Variants in KCNN2 observed in about 807,000 individuals in gnomAD.
KCNN2 encodes the protein potassium calcium-activated channel subfamily N member 2, also known as small conductance calcium-activated potassium channel protein 2.
KCNN2 carries 24 observed loss-of-function variants against 55.5 expected under a neutral mutation model. The ratio of observed to expected loss-of-function variants is 0.43; its 90% CI spans 0.31 to 0.61. The LOEUF is 0.61. Ranked by LOEUF, KCNN2 falls within the 20% of genes least tolerant of loss-of-function variation. The probability of loss-of-function intolerance (pLI) is 0.08; values close to 1 mark genes in which losing one functional copy is unlikely to be tolerated. For synonymous variants in KCNN2, 431 were observed against 336.1 expected (o/e 1.28, Z -3.09); for missense variants, 754 against 853.6 (o/e 0.88, Z 1.45).
intron 3 of KCNN2, among the ~76,000 whole-genome samples, chr5:114,417,689 G>T (rs1216929417): frequency 2.0e-5 from 3 of 152,200 alleles, no homozygotes; most frequent in African/African-American, 7.2e-5. Context: ...GGGGACTGTT[G>T]TAGTCAGTAA....
chr5:114,484,343 A>G (rs1173051455), intron 5 of KCNN2, among the ~76,000 whole-genome samples: 2 of 152,156 alleles, frequency 1.3e-5, no homozygotes, highest in South Asian at 2.1e-4. Flanking sequence ...GAGGTTAGGG[A>G]TAGGAAATTA....
At chr5:114,126,190 A>T (rs1360436378) in intron 1 of KCNN2, among the ~76,000 whole-genome samples, 1 of 152,136 alleles carries the variant, frequency 6.6e-6, no homozygotes, top group East Asian at 1.9e-4. Context: ...TCCCATCCTA[A>T]TGAACTCATT....
At chr5:114,387,212 C>A (rs1007399595) in intron 2 of KCNN2, among the ~76,000 whole-genome samples, 9 of 152,168 alleles carry the variant, frequency 5.9e-5, no homozygotes, top group Non-Finnish European at 1.0e-4. Flanking sequence ...ACAGGTCTTA[C>A]CATGTGGGTA....
intron 3 of KCNN2, among the ~76,000 whole-genome samples, chr5:114,435,416 T>C (rs983893614): frequency 6.6e-6 from 1 of 152,140 alleles, no homozygotes; most frequent in Non-Finnish European, 1.5e-5. Flanking sequence ...ATTTTCTTGT[T>C]GTGAGGATAG....
At chr5:114,270,342 C>A (rs983756801) in intron 2 of KCNN2, among the ~76,000 whole-genome samples, 1 of 152,104 alleles carries the variant, frequency 6.6e-6, no homozygotes, top group African/African-American at 2.4e-5. Context: ...GACAAGAATG[C>A]GCTAACATAC....
intron 1 of KCNN2, among the ~76,000 whole-genome samples, chr5:114,076,955 A>G (rs890128003): frequency 1.3e-5 from 2 of 152,228 alleles, no homozygotes; most frequent in African/African-American, 2.4e-5. Flanking sequence ...TCGGCCTCCC[A>G]AAGTGATGGG....
intron 2 of KCNN2, among the ~76,000 whole-genome samples, chr5:114,368,782 C>A (rs1055989239): frequency 1.3e-5 from 2 of 151,954 alleles, no homozygotes; most frequent in African/African-American, 4.8e-5. Context: ...AATTTCAATA[C>A]GGAATATTTA....
intron 1 of KCNN2, among the ~76,000 whole-genome samples, chr5:114,219,160 C>G (rs1354191399): frequency 1.3e-5 from 2 of 152,232 alleles, no homozygotes; most frequent in African/African-American, 4.8e-5. Context: ...GTGCCTGTGA[C>G]TCTTGAAGCC....
At chr5:114,465,382 G>T (rs1233387415) in intron 4 of KCNN2, among the ~76,000 whole-genome samples, 1 of 152,156 alleles carries the variant, frequency 6.6e-6, no homozygotes, top group African/African-American at 2.4e-5. Flanking sequence ...GGAGGCCGAG[G>T]CAGGTGGATC....
upstream of KCNN2, among the ~76,000 whole-genome samples, chr5:114,360,543 G>C (rs1046857248): frequency 1.3e-5 from 2 of 152,092 alleles, no homozygotes; most frequent in East Asian, 3.9e-4. Flanking sequence ...CCTTCTTTAG[G>C]GGGAGACGGG....
intron 1 of KCNN2, among the ~76,000 whole-genome samples, chr5:114,156,619 T>G (rs1041791710): frequency 6.6e-6 from 1 of 152,162 alleles, no homozygotes; most frequent in Non-Finnish European, 1.5e-5. Flanking sequence ...GCTGTATTTC[T>G]AGATATTTTA....
chr5:114,357,985 C>T, upstream of KCNN2, among the ~76,000 whole-genome samples: 1 of 150,526 alleles, frequency 6.6e-6, no homozygotes, highest in Non-Finnish European at 1.5e-5. Context: ...TTTTAATGAT[C>T]ACCATTCTAA....
At chr5:114,269,714 A>G (rs191511829) in intron 2 of KCNN2, among the ~76,000 whole-genome samples, 1 of 152,328 alleles carries the variant, frequency 6.6e-6, no homozygotes, top group East Asian at 1.9e-4. Context: ...TTTCCTTTCA[A>G]TAAAAATGAA....
intron 2 of KCNN2, among the ~76,000 whole-genome samples, chr5:114,293,995 A>G (rs951160156): frequency 6.6e-6 from 1 of 152,172 alleles, no homozygotes; most frequent in African/African-American, 2.4e-5. Flanking sequence ...TGTTTGTAGT[A>G]TTCTCCGATG....
At chr5:114,234,543 T>TG in intron 2 of KCNN2, among the ~76,000 whole-genome samples, 1 of 152,328 alleles carries the variant, frequency 6.6e-6, no homozygotes, top group East Asian at 1.9e-4. Context: ...CCAAATGAAT[T>TG]GGGGTATTTC....
chr5:114,235,504 C>T (rs1342640280), intron 2 of KCNN2, among the ~76,000 whole-genome samples: 1 of 152,078 alleles, frequency 6.6e-6, no homozygotes, highest in Non-Finnish European at 1.5e-5. Context: ...AATGGAAAGC[C>T]TACTGTATAG....
At chr5:114,120,098 C>T (rs535252677) in intron 1 of KCNN2, among the ~76,000 whole-genome samples, 1 of 152,226 alleles carries the variant, frequency 6.6e-6, no homozygotes, top group African/African-American at 2.4e-5. Flanking sequence ...ATCCAGGAAG[C>T]TCTTGATTTT....
intron 2 of KCNN2, among the ~76,000 whole-genome samples, chr5:114,255,889 A>G (rs757907695): frequency 7.1e-4 from 108 of 152,230 alleles, no homozygotes; most frequent in Middle Eastern, 3.4e-3. Context: ...GGGTACAATT[A>G]CAGTTTTGTT....
intron 1 of KCNN2, among the ~76,000 whole-genome samples, chr5:114,125,122 A>T (rs934743860): frequency 9.2e-5 from 14 of 152,200 alleles, no homozygotes; most frequent in Non-Finnish European, 1.9e-4. Context: ...ATTTGTATAT[A>T]TTGGAGAAAT....
Sources: gnomAD v4.1 joint callset for allele counts (sites outside exome capture counted in the v4.1 genomes callset) on GRCh38, gnomAD v4.1.1 for gene constraint, MANE v1.5 for transcripts, NCBI Gene and HGNC (gene_info 2026-07-23, HGNC 2026-07-21) for gene names.